The following CFAP251 variants were observed in gnomAD, a reference collection of about 807,000 sequenced individuals.
CFAP251 encodes cilia and flagella associated protein 251, also known as cilia- and flagella-associated protein 251.
A neutral mutation model predicts 126.7 loss-of-function variants in CFAP251; 93 were observed. The observed-to-expected ratio is 0.73, with a 90% CI of 0.62 to 0.87. The LOEUF (loss-of-function observed/expected upper bound fraction) is 0.87. Among genes scored for constraint, CFAP251 ranks in the 40% least tolerant of loss-of-function variants. The pLI is 0.00. For synonymous variants in CFAP251, 503 were observed against 506.9 expected, an observed-to-expected ratio of 0.99 and a Z score of 0.10; for missense variants, 1,287 against 1,389.2, an observed-to-expected ratio of 0.93 and a Z score of 1.17.
intron 15 of CFAP251, among the ~76,000 whole-genome samples, chr12:121,965,257 A>T (rs76295826): frequency 1.3e-5 from 2 of 152,228 alleles, no homozygotes; most frequent in African/African-American, 4.8e-5. Flanking sequence ...TTCACCAATC[A>T]GATTAGCAAA....
Position 121,999,760 on chromosome 12 carries a change from C to A in CFAP251, c.3051C>A (p.Asp1017Glu). The change falls in exon 20 of 22, where the codon GAC (aspartate) becomes GAA (glutamate). Residue 1017 changes from aspartate to glutamate, a missense_variant. Asp to Glu is a conservative substitution (Grantham distance 45, BLOSUM62 2). Coordinates refer to ENST00000288912, the MANE Select transcript of CFAP251 (RefSeq NM_144668.6). ...FNEIKFGEYVDTGKLIDKINL... is the reference protein window; with the variant it reads ...FNEIKFGEYVETGKLIDKINL... Reference sequence around the variant, plus strand: ...AAATCAAATTTGGTGAATATGTGGACACTGGAAAGCTAATCGACAAGATCA... The same window carrying A: ...AAATCAAATTTGGTGAATATGTGGAAACTGGAAAGCTAATCGACAAGATCA... 1 of 1,613,106 alleles carries A rather than the reference C, an allele frequency of 6.2e-7. No individual in the cohort carries two copies. The highest frequency in any genetic ancestry group is 8.5e-7 in the Non-Finnish European group (1 of 1,179,194).
chr12:121,947,506 C>T (rs937848660), intron 7 of CFAP251, among the ~76,000 whole-genome samples: 5 of 151,932 alleles, frequency 3.3e-5, no homozygotes, highest in Admixed American at 6.6e-5. Flanking sequence ...TGCTCTGTTG[C>T]CCAGGCTGGT....
Position 122,001,555 on chromosome 12 carries a change from T to G in CFAP251, c.3294T>G (p.Asn1098Lys). 1.9e-6 allele frequency: 3 copies of G among 1,614,050 alleles called. No homozygotes were observed. The highest frequency in any genetic ancestry group is 2.5e-6 in the Non-Finnish European group (3 of 1,180,010). ...GCTTTGCTTCACTGTTTGGCCTGAA[T>G]CCCGAGGGATGGAAATCCGAGCCTG... ...LDCFASLFGL[N>K]PEGWKSEPAT... Residue 1098 changes from asparagine to lysine, a missense_variant, in exon 21 of 22, where the codon AAT becomes AAG. Asn to Lys is a moderately conservative substitution (Grantham distance 94). Coordinates refer to ENST00000288912, the MANE Select transcript of CFAP251 (RefSeq NM_144668.6).
At chr12:121,958,807 C>T (rs904692390) in intron 12 of CFAP251, 136 bp from the exon 13 acceptor site, 37 of 1,140,718 alleles carry the variant, frequency 3.2e-5, no homozygotes, top group Middle Eastern at 5.9e-4. Context: ...TCACGCGTTT[C>T]GGTTCATTTC....
intron 9 of CFAP251, among the ~76,000 whole-genome samples, chr12:121,952,148 T>A (rs1423671124): frequency 1.3e-5 from 2 of 148,702 alleles, no homozygotes; most frequent in African/African-American, 5.0e-5. Context: ...TCATCTGTAA[T>A]CCCAACACTT....
chr12:121,931,622 C>G (rs1880693692), intron 3 of CFAP251, 124 bp from the exon 4 acceptor site: 1 of 1,004,772 alleles, frequency 1.0e-6, no homozygotes, highest in Non-Finnish European at 1.3e-6. Flanking sequence ...TGAGGACTTT[C>G]TTAAAGTGGT....
chr12:121,982,657 T>G (rs1251566558), intron 19 of CFAP251, among the ~76,000 whole-genome samples: 3 of 152,240 alleles, frequency 2.0e-5, no homozygotes, highest in African/African-American at 7.2e-5. Flanking sequence ...GGATTACAGG[T>G]GTGAGCCACT....
At chr12:121,968,684 C>T (rs1882234469) in intron 17 of CFAP251, among the ~76,000 whole-genome samples, 1 of 152,060 alleles carries the variant, frequency 6.6e-6, no homozygotes, top group Admixed American at 6.6e-5. Context: ...GGCTATGGGG[C>T]CTAGGGCAAG....
intron 17 of CFAP251, chr12:121,969,914 C>T (rs1882277675): frequency 1.0e-6 from 1 of 985,320 alleles, no homozygotes; most frequent in Admixed American, 6.1e-5. Flanking sequence ...CTGAGAATTT[C>T]AATTTAATCT....
Position 121,923,825 on chromosome 12 carries a change from G to A in CFAP251, c.582G>A (p.Leu194=), listed in dbSNP as rs1383729871. 6.2e-7 allele frequency: 1 copy of A among 1,614,118 alleles called. No individual in the cohort carries two copies. Among genetic ancestry groups the A allele is most frequent in the Admixed American group, 1.7e-5 (1 of 60,002 alleles). Residue 194 remains leucine, a synonymous_variant, in exon 3 of 22, where the codon CTG becomes CTA. Transcript: ENST00000288912. ...CCGACCGGATGCCCCAAGATGAACT[G>A]GGACAAGAAAGAAGGGACTTGGAGC... is the stretch of plus-strand genomic sequence containing the variant. ...EKTDRMPQDE[L]GQERRDLEPE... is the part of the protein sequence containing the mutation.
intron 7 of CFAP251, among the ~76,000 whole-genome samples, chr12:121,945,649 T>C (rs1881296850): frequency 6.7e-6 from 1 of 149,776 alleles, no homozygotes; most frequent in African/African-American, 2.5e-5. Context: ...GGCCAGAGTG[T>C]TATTTTTATT....
rs558694877 is a variant in CFAP251, at chr12:121,992,065, A to G, written c.3007-7651A>G. 3.9e-5 allele frequency among the ~76,000 whole-genome samples: 6 copies of G among 152,308 alleles called. No individual in the cohort carries two copies. The East Asian group carries it at 7.7e-4, about 20-fold the overall frequency. ...TGTTTAAGCTCTCCAGGTGAATGGA[A>G]TAAAGCCCCGCCTTAGCAGGCGTGA... On this transcript the variant is annotated intron_variant, in intron 19 of 21. Coordinates refer to ENST00000288912, the MANE Select transcript of CFAP251 (RefSeq NM_144668.6).
intron 7 of CFAP251, chr12:121,948,273 T>C (rs1881392713): frequency 1.3e-5 from 2 of 152,260 alleles, no homozygotes; most frequent in South Asian, 4.1e-4. Flanking sequence ...TTCCAAGATA[T>C]TGTGTGGCCC....
rs915934203 is a variant in CFAP251, at chr12:121,954,247, C to G, written c.1448C>G (p.Ser483Cys). Residue 483 changes from serine (S) to cysteine (C), a missense_variant, in exon 10 of 22, where the codon TCC becomes TGC. Coordinates refer to ENST00000288912, the MANE Select transcript of CFAP251 (RefSeq NM_144668.6). ...ATACACCGCCCACCCTCATCTGCCT[C>G]CACCTTTTTGGGCTTTCCCTATATC... ...WDIHRPPSSA[S>C]TFLGFPYIKP... 6.2e-7 allele frequency: 1 copy of G among 1,614,160 alleles called. No individual in the cohort carries two copies. Among genetic ancestry groups the G allele is most frequent in the East Asian group, 2.2e-5 (1 of 44,884 alleles).
At chr12:121,998,477 ATATATATATAT>A (rs1379546435) in intron 19 of CFAP251, 2 of 70,162 alleles carry the variant, frequency 2.9e-5, no homozygotes, top group African/African-American at 5.4e-5. Flanking sequence ...ATATATATAT[ATATATATATAT>A]GATTGTGTTA....
chr12:121,931,040 C>T (rs987551509), intron 3 of CFAP251, among the ~76,000 whole-genome samples: 2 of 152,128 alleles, frequency 1.3e-5, no homozygotes, highest in Non-Finnish European at 2.9e-5. Flanking sequence ...TGAAACAGGG[C>T]TCCCAGCCTA....
intron 1 of CFAP251, among the ~76,000 whole-genome samples, chr12:121,920,454 T>C (rs1400788281): frequency 2.0e-5 from 3 of 150,614 alleles, no homozygotes; most frequent in African/African-American, 4.9e-5. Flanking sequence ...TGGAGTGCAG[T>C]GGCACGATCT....
In CFAP251 at chr12:121,918,957, T is replaced by C. The variant is rs982024435; in HGVS notation, c.-21+262T>C. 2.0e-5 allele frequency among the ~76,000 whole-genome samples: 3 copies of C among 151,958 alleles called. No homozygotes were observed. The highest frequency in any genetic ancestry group is 1.3e-4 in the Admixed American group (2 of 15,254). On this transcript the variant is annotated intron_variant, in intron 1 of 21. Transcript: ENST00000288912. The surrounding 1 kb of genome is among the most constrained non-coding windows in gnomAD (Gnocchi z 4.3). ...TCCAGACGCGCCGGCGAAGTTGGGC[T>C]CAGTCAAAAGAGGCTCGGTGGTGAG...
At chr12:121,980,044 C>A (rs967605527) in intron 19 of CFAP251, among the ~76,000 whole-genome samples, 1 of 152,218 alleles carries the variant, frequency 6.6e-6, no homozygotes, top group African/African-American at 2.4e-5. Flanking sequence ...TGTCTCCCTC[C>A]GTGTCCGGCC....
Sources: allele counts gnomAD v4.1 joint callset (sites outside exome capture counted in the v4.1 genomes callset), GRCh38; gene constraint gnomAD v4.1.1; non-coding constraint Gnocchi (gnomAD v3.1); transcripts MANE v1.5; gene names NCBI Gene and HGNC (gene_info 2026-07-23, HGNC 2026-07-21).